NR5A2: variants seen among roughly 807,000 people sequenced by gnomAD.
NR5A2 encodes the protein CYP7A promoter-binding factor.
A neutral mutation model predicts 62.7 loss-of-function variants in NR5A2; 26 were observed. The ratio of observed to expected loss-of-function variants is 0.41; its 90% confidence interval spans 0.30 to 0.58. The LOEUF (loss-of-function observed/expected upper bound fraction) is 0.58. NR5A2 is among the 20% of genes least tolerant of loss of function. NR5A2 has a pLI of 0.22. For synonymous variants in NR5A2, 246 were observed against 241.7 expected (o/e 1.02, Z -0.16); for missense variants, 541 against 669.1 (o/e 0.81, Z 2.11).
intron 5 of NR5A2, among the ~76,000 whole-genome samples, chr1:200,095,742 C>T (rs1190484460): frequency 2.0e-5 from 3 of 151,748 alleles, no homozygotes; most frequent in Non-Finnish European, 4.4e-5. Context: ...TTAGTAGAGA[C>T]AGGGTTTTAC....
chr1:200,131,256 G>A (rs1666959038), intron 7 of NR5A2, among the ~76,000 whole-genome samples: 1 of 151,988 alleles, frequency 6.6e-6, no homozygotes, highest in African/African-American at 2.4e-5. Context: ...CTTCCAGTGA[G>A]CAAAGCAGTT....
At chr1:200,173,417 G>A (rs938207968) in intron 7 of NR5A2, among the ~76,000 whole-genome samples, 2 of 152,238 alleles carry the variant, frequency 1.3e-5, no homozygotes, top group South Asian at 2.1e-4. Context: ...TCACTGGAGT[G>A]TACCAGATGG....
chr1:200,142,750 A>G (rs1447329257), intron 7 of NR5A2, among the ~76,000 whole-genome samples: 1 of 151,778 alleles, frequency 6.6e-6, no homozygotes, highest in Non-Finnish European at 1.5e-5. Context: ...TTTGGCTTCT[A>G]TTGTTTCATT....
At chr1:200,038,817 G>C (rs752015648) in intron 1 of NR5A2, 13 of 1,226,890 alleles carry the variant, frequency 1.1e-5, no homozygotes, top group Non-Finnish European at 1.4e-5. Flanking sequence ...GGGCCAGGGT[G>C]GGGTGGGAGG....
At chr1:200,121,067 C>A in intron 7 of NR5A2, 112 bp downstream of exon 7, 1 of 1,102,696 alleles carries the variant, frequency 9.1e-7, no homozygotes, top group Admixed American at 2.2e-5. Context: ...AATGCCCTTC[C>A]TGTCAAATTA....
intron 7 of NR5A2, among the ~76,000 whole-genome samples, chr1:200,163,777 G>T (rs762257497): frequency 6.6e-6 from 1 of 152,158 alleles, no homozygotes; most frequent in Non-Finnish European, 1.5e-5. Flanking sequence ...ACTGCACCCA[G>T]CTTGGCAGTT....
At chr1:200,158,927 A>T (rs959224674) in intron 7 of NR5A2, among the ~76,000 whole-genome samples, 1 of 150,168 alleles carries the variant, frequency 6.7e-6, no homozygotes, top group Non-Finnish European at 1.5e-5. Flanking sequence ...TAATAGGGAC[A>T]GGGTCTCTGT....
At chr1:200,057,078 A>G (rs1237703174) in intron 5 of NR5A2, among the ~76,000 whole-genome samples, 4 of 152,206 alleles carry the variant, frequency 2.6e-5, no homozygotes, top group African/African-American at 4.8e-5. Flanking sequence ...ACCTTCTCTA[A>G]TTACACAAAA....
chr1:200,045,793 T>C (rs1243242264), intron 4 of NR5A2, among the ~76,000 whole-genome samples: 2 of 152,162 alleles, frequency 1.3e-5, no homozygotes, highest in African/African-American at 2.4e-5. Flanking sequence ...TTTAAAATAT[T>C]AGTTGTCTTT....
intron 7 of NR5A2, among the ~76,000 whole-genome samples, chr1:200,151,186 T>C (rs185551394): frequency 2.0e-3 from 304 of 152,352 alleles, no homozygotes; most frequent in African/African-American, 6.3e-3. Context: ...CTTTAGAAGA[T>C]GAAACATTGT....
intron 7 of NR5A2, among the ~76,000 whole-genome samples, chr1:200,159,639 ATTT>A (rs1558175305): frequency 3.0e-5 from 4 of 131,718 alleles, no homozygotes. Context: ...TTTTTAAATT[ATTT>A]ATTATTATTA....
chr1:200,119,096 T>TG (rs983985856), intron 6 of NR5A2, among the ~76,000 whole-genome samples: 3 of 152,176 alleles, frequency 2.0e-5, no homozygotes, highest in African/African-American at 7.2e-5. Flanking sequence ...TTGACACCTT[T>TG]GGGGGTCATC....
At chr1:200,144,233 T>TCTCTCA (rs1446217306) in intron 7 of NR5A2, among the ~76,000 whole-genome samples, 93 of 80,122 alleles carry the variant, frequency 1.2e-3, no homozygotes, top group African/African-American at 3.7e-3. Flanking sequence ...TCTCTCTCTC[T>TCTCTCA]CACACACACA....
chr1:200,174,323 T>C lies in NR5A2; in HGVS notation c.*113T>C. The C allele has an allele frequency of 9.1e-7, 1 of 1,100,608 alleles. No individual in the cohort carries two copies. Among genetic ancestry groups the C allele is most frequent in the South Asian group, 2.9e-5 (1 of 34,248 alleles). The allele number at this position is 1,100,608 out of a possible 1,614,324, so 68.2% of individuals were successfully genotyped here. ...TCTGAACTGCTCCAAGTAACGCTAA[T>C]TAAAAACTTGCTTTAAAGATATTGA... On this transcript the variant is annotated 3_prime_UTR_variant, in exon 8 of 8. Coordinates refer to ENST00000367362, the MANE Select transcript of NR5A2 (RefSeq NM_205860.3).
intron 7 of NR5A2, among the ~76,000 whole-genome samples, chr1:200,145,862 C>A (rs1558166774): frequency 6.6e-6 from 1 of 152,228 alleles, no homozygotes; most frequent in African/African-American, 2.4e-5. Flanking sequence ...GCAAGAAGGG[C>A]AGTCAGTTTA....
At chr1:200,149,442 G>A (rs991383044) in intron 7 of NR5A2, among the ~76,000 whole-genome samples, 5 of 152,182 alleles carry the variant, frequency 3.3e-5, no homozygotes, top group African/African-American at 9.6e-5. Context: ...GACTGCTGCC[G>A]AGGCTAACAG....
intron 7 of NR5A2, among the ~76,000 whole-genome samples, chr1:200,140,833 CCA>C (rs1667412405): frequency 6.6e-6 from 1 of 152,168 alleles, no homozygotes; most frequent in Admixed American, 6.5e-5. Context: ...GAGTTTGAGA[CCA>C]GCCTGACCAA....
Position 200,120,974 on chromosome 1 carries a change from A to G in NR5A2, c.1378+19A>G, listed in dbSNP as rs373024896. 11 of 1,613,406 alleles carry G rather than the reference A, an allele frequency of 6.8e-6. No homozygotes were observed. In the African/African-American group the frequency reaches 1.5e-4, roughly 22 times the overall value. On this transcript the variant is annotated intron_variant, in intron 7 of 7. Transcript: ENST00000367362. ...AGTTTAGGTAAGAAATCCTTTTCTC[A>G]TGCTGTGCTCAACCAACGATTGCTA...
At chr1:200,083,901 G>A (rs1003282865) in intron 5 of NR5A2, among the ~76,000 whole-genome samples, 1 of 151,694 alleles carries the variant, frequency 6.6e-6, no homozygotes, top group Non-Finnish European at 1.5e-5. Flanking sequence ...GGAGGTGGAG[G>A]TTGCAGTGAG....
Sources: gnomAD v4.1 joint callset for allele counts (sites outside exome capture counted in the v4.1 genomes callset) on GRCh38, gnomAD v4.1.1 for gene constraint, MANE v1.5 for transcripts, NCBI Gene and HGNC (gene_info 2026-07-23, HGNC 2026-07-21) for gene names.